Variants in PIEZO2 observed in about 807,000 individuals in gnomAD.
The protein encoded by PIEZO2 is piezo type mechanosensitive ion channel component 2, also known as piezo-type mechanosensitive ion channel component 2.
In PIEZO2, 172 loss-of-function variants were observed where a neutral mutation model predicts 337.3. The observed-to-expected ratio is 0.51, with a 90% confidence interval of 0.45 to 0.58. The LOEUF (loss-of-function observed/expected upper bound fraction) is 0.58. Among genes scored for constraint, PIEZO2 ranks in the 20% least tolerant of loss-of-function variants. PIEZO2 has a pLI of 0.00. For synonymous variants in PIEZO2, 1,251 were observed against 1,228.5 expected (o/e 1.02, Z -0.38); for missense variants, 3,028 against 3,391.3 (o/e 0.89, Z 2.66).
rs1598379745 is a variant in PIEZO2, at chr18:10,705,032, G to A, written c.5999+304C>T. Among the ~76,000 whole-genome samples the A allele has an allele frequency of 3.3e-5, 5 of 152,188 alleles. No individual in the cohort carries two copies. In the South Asian group the frequency reaches 1.0e-3, roughly 32 times the overall value. On this transcript the variant is annotated intron_variant, in intron 41 of 55. Coordinates refer to ENST00000674853, the MANE Select transcript of PIEZO2 (RefSeq NM_001378183.1). ...TCTCCAAATTACTGATTTTCATTTA[G>A]CACCATCCTTCCTGCTGTGTTCCCG...
chr18:10,725,153 A>G, intron 36 of PIEZO2: 1 of 1,471,544 alleles, frequency 6.8e-7, no homozygotes. Context: ...GTGCTGAAGT[A>G]CTGCGAGGCC....
rs796316072 is a variant in PIEZO2 at position 10,758,133 on chromosome 18, A to G, written c.3759T>C (p.Tyr1253=). ...IVRPNPVFLV[Y]DFMLLLCASL... ...AGGCACACAGAAGCAGCATGAAGTCATCTAACAAGACAGAGGTGAGATCAT... is the reference window on the plus strand; with the variant it reads ...AGGCACACAGAAGCAGCATGAAGTCGTCTAACAAGACAGAGGTGAGATCAT... Residue 1253 remains tyrosine, a splice_region_variant and synonymous_variant, in exon 27 of 56, where the codon TAT becomes TAC. Transcript: ENST00000674853. The G allele has an allele frequency of 3.3e-6, 5 of 1,537,368 alleles. No individual in the cohort carries two copies. The highest frequency in any genetic ancestry group is 1.7e-4 in the Middle Eastern group (1 of 5,988).
intron 1 of PIEZO2, among the ~76,000 whole-genome samples, chr18:11,067,281 C>G: frequency 6.6e-6 from 1 of 152,102 alleles, no homozygotes; most frequent in Middle Eastern, 3.4e-3. Context: ...ACTTGTACAC[C>G]CTAAATATAT....
rs1025197469 is a variant in PIEZO2 at position 10,748,750 on chromosome 18, C to G, written c.4265-120G>C. ...GGCATAAAAGCAGCATTCTGATGCTCTGACTTACTTATGAGTTGATTTATT... is the reference window on the plus strand; with the variant it reads ...GGCATAAAAGCAGCATTCTGATGCTGTGACTTACTTATGAGTTGATTTATT... On this transcript the variant is annotated intron_variant, in intron 29 of 55. Coordinates refer to ENST00000674853, the MANE Select transcript of PIEZO2 (RefSeq NM_001378183.1). The surrounding 1 kb of genome is among the most constrained non-coding windows in gnomAD (Gnocchi z 5.1). 4 of 882,318 alleles carry G rather than the reference C, an allele frequency of 4.5e-6. No individual in the cohort carries two copies. The highest frequency in any genetic ancestry group is 3.5e-5 in the African/African-American group (2 of 57,340). The allele number at this position is 882,318 out of a possible 1,614,324, so 54.7% of individuals were successfully genotyped here.
At chr18:10,967,613 T>C (rs1338283188) in intron 3 of PIEZO2, among the ~76,000 whole-genome samples, 1 of 151,442 alleles carries the variant, frequency 6.6e-6, no homozygotes, top group Non-Finnish European at 1.5e-5. Flanking sequence ...CCAACATCTA[T>C]TTTTTTTTAT....
At chr18:11,020,079 G>T (rs1311097363) in intron 2 of PIEZO2, among the ~76,000 whole-genome samples, 1 of 152,082 alleles carries the variant, frequency 6.6e-6, no homozygotes, top group Non-Finnish European at 1.5e-5. Flanking sequence ...AGAAACTTAA[G>T]CTTCAATTTT....
chr18:10,801,841 C>T (rs1489551716), intron 9 of PIEZO2, among the ~76,000 whole-genome samples: 1 of 152,096 alleles, frequency 6.6e-6, no homozygotes, highest in African/African-American at 2.4e-5. Flanking sequence ...AATCCCAGCA[C>T]TTTGAGAGTC....
chr18:11,087,054 G>A (rs1598938592), intron 1 of PIEZO2, among the ~76,000 whole-genome samples: 1 of 152,110 alleles, frequency 6.6e-6, no homozygotes, highest in Non-Finnish European at 1.5e-5. Flanking sequence ...GGTCATACAC[G>A]TGGAGTCCTT....
intron 2 of PIEZO2, among the ~76,000 whole-genome samples, chr18:10,984,600 A>G (rs898656774): frequency 7.2e-5 from 11 of 152,130 alleles, no homozygotes; most frequent in African/African-American, 4.8e-5. Flanking sequence ...CTTACAGGAC[A>G]CTATCAAGTG....
chr18:10,712,268 C>G (rs879341837), intron 39 of PIEZO2, among the ~76,000 whole-genome samples: 5 of 152,174 alleles, frequency 3.3e-5, no homozygotes, highest in Admixed American at 1.3e-4. Flanking sequence ...ACAGACTTGC[C>G]CATGCAGGGT....
intron 39 of PIEZO2, among the ~76,000 whole-genome samples, chr18:10,709,890 C>T: frequency 6.6e-6 from 1 of 152,218 alleles, no homozygotes; most frequent in East Asian, 1.9e-4. Flanking sequence ...TGCCCTAACT[C>T]TTTTAGATGT....
In PIEZO2 at chr18:10,794,230, A is replaced by G. The variant is rs961931131; in HGVS notation, c.1758+542T>C. Among the ~76,000 whole-genome samples the G allele has an allele frequency of 2.7e-5, 4 of 148,374 alleles. No individual in the cohort carries two copies. Among genetic ancestry groups the G allele is most frequent in the African/African-American group, 1.0e-4 (4 of 39,964 alleles). Reference sequence around the variant, plus strand: ...AATGGCCCATGAAAGCAAATAAGTAATGAGAAGAGTATGAACATTCTAACT... The same window carrying G: ...AATGGCCCATGAAAGCAAATAAGTAGTGAGAAGAGTATGAACATTCTAACT... On this transcript the variant is annotated intron_variant, in intron 13 of 55. Coordinates refer to ENST00000674853, the MANE Select transcript of PIEZO2 (RefSeq NM_001378183.1). This position sits in a 1 kb window ranked among gnomAD's most constrained non-coding sequence, Gnocchi z 6.6.
intron 49 of PIEZO2, among the ~76,000 whole-genome samples, chr18:10,686,007 T>C (rs562347043): frequency 3.5e-4 from 54 of 152,328 alleles, no homozygotes; most frequent in Admixed American, 1.1e-3. Flanking sequence ...CTTCCTGATA[T>C]TAGAATTTTT....
At chr18:11,042,188 CA>C (rs1447388714) in intron 2 of PIEZO2, among the ~76,000 whole-genome samples, 1 of 152,170 alleles carries the variant, frequency 6.6e-6, no homozygotes, top group South Asian at 2.1e-4. Flanking sequence ...CAATGAAAAA[CA>C]CTAAGAAATC....
At chr18:10,697,579 A>C (rs1301976212) in intron 45 of PIEZO2, among the ~76,000 whole-genome samples, 169 bp downstream of exon 45, 2 of 152,266 alleles carry the variant, frequency 1.3e-5, no homozygotes, top group Admixed American at 1.3e-4. Flanking sequence ...CACTTACAGA[A>C]AAATGATTTT....
intron 33 of PIEZO2, chr18:10,740,814 A>G (rs2037187308): frequency 2.9e-6 from 2 of 686,306 alleles, no homozygotes; most frequent in Admixed American, 4.1e-5. Flanking sequence ...TACAGCCAGC[A>G]CAAGAATGTC....
chr18:11,085,519 C>T (rs1311770585), intron 1 of PIEZO2, among the ~76,000 whole-genome samples: 1 of 152,224 alleles, frequency 6.6e-6, no homozygotes, highest in Non-Finnish European at 1.5e-5. Flanking sequence ...AGCTTCTCCA[C>T]TCAGCCCTTG....
At chr18:11,106,507 G>A (rs1485088930) in intron 1 of PIEZO2, among the ~76,000 whole-genome samples, 3 of 144,808 alleles carry the variant, frequency 2.1e-5, no homozygotes, top group African/African-American at 5.3e-5. Flanking sequence ...TCCTGGGCTC[G>A]GGTGATCCTC....
At chr18:10,800,248 A>T in intron 11 of PIEZO2, 89 bp downstream of exon 11, 1 of 1,458,928 alleles carries the variant, frequency 6.9e-7, no homozygotes, top group Non-Finnish European at 9.0e-7. Context: ...GTTTTTAAAA[A>T]AATAAAATAA....
Sources: gnomAD v4.1 joint callset for allele counts (sites outside exome capture counted in the v4.1 genomes callset) on GRCh38, gnomAD v4.1.1 for gene constraint, Gnocchi (gnomAD v3.1) non-coding constraint, MANE v1.5 for transcripts, NCBI Gene and HGNC (gene_info 2026-07-23, HGNC 2026-07-21) for gene names.